SHC4: variants seen among roughly 807,000 people sequenced by gnomAD.
SHC4 encodes SHC-transforming protein 4.
SHC4 carries 41 observed loss-of-function variants against 69.4 expected under a neutral mutation model. The observed-to-expected ratio is 0.59, with a 90% confidence interval of 0.46 to 0.77. SHC4 has a LOEUF of 0.77. Among genes scored for constraint, SHC4 ranks in the 30% least tolerant of loss-of-function variants. SHC4 has a pLI of 0.00. For missense variants in SHC4, 777 were observed against 783.8 expected (o/e 0.99, Z 0.10); for synonymous variants, 318 against 299.3 (o/e 1.06, Z -0.64).
In SHC4 at chr15:48,846,912, G is replaced by A. The variant is rs115649876; in HGVS notation, c.1304-3324C>T. On this transcript the variant is annotated intron_variant, in intron 9 of 11. Transcript: ENST00000332408. ...CCACATCAATTTTACCATCCCGTAG[G>A]ATGACACCAAAAACATCGGTGTTTA... 2.5e-3 allele frequency among the ~76,000 whole-genome samples: 373 copies of A among 151,802 alleles called. 1 individual carries two copies. Among genetic ancestry groups the A allele is most frequent in the African/African-American group, 8.7e-3 (359 of 41,402 alleles).
chr15:48,857,830 A>G lies in SHC4; in HGVS notation c.947-15T>C. ...TATGTGACAGGCTGCAAGAGGACAT[A>G]CAAAAAATAATATTATAATAAATTT... On this transcript the variant is annotated splice_polypyrimidine_tract_variant and intron_variant, in intron 6 of 11. Coordinates refer to ENST00000332408, the MANE Select transcript of SHC4 (RefSeq NM_203349.4). 6.7e-7 allele frequency: 1 copy of G among 1,493,428 alleles called. No individual in the cohort carries two copies. Among genetic ancestry groups the G allele is most frequent in the Non-Finnish European group, 8.9e-7 (1 of 1,122,176 alleles). 92.5% of individuals were successfully genotyped at this position (1,493,428 alleles called of 1,614,324 possible).
intron 1 of SHC4, among the ~76,000 whole-genome samples, chr15:48,948,356 G>A (rs1237449423): frequency 6.6e-6 from 1 of 152,258 alleles, no homozygotes; most frequent in Non-Finnish European, 1.5e-5. Flanking sequence ...AACGCATTGT[G>A]AGACATACCA....
intron 9 of SHC4, among the ~76,000 whole-genome samples, chr15:48,844,958 T>G (rs1899059483): frequency 6.6e-6 from 1 of 152,208 alleles, no homozygotes; most frequent in South Asian, 2.1e-4. Context: ...ATTAGCAGCA[T>G]GAGAACATAT....
At chr15:48,881,188 G>T (rs547909735) in intron 4 of SHC4, among the ~76,000 whole-genome samples, 1 of 152,158 alleles carries the variant, frequency 6.6e-6, no homozygotes, top group East Asian at 1.9e-4. Context: ...CATGTTGACT[G>T]TCTTCAGGCC....
intron 1 of SHC4, among the ~76,000 whole-genome samples, chr15:48,960,628 G>A (rs1447943932): frequency 2.0e-5 from 3 of 152,050 alleles, no homozygotes; most frequent in Admixed American, 2.0e-4. Context: ...GATCCTAATT[G>A]TCTGTTTGTA....
At chr15:48,945,045 T>G (rs1901250007) in intron 1 of SHC4, among the ~76,000 whole-genome samples, 1 of 152,216 alleles carries the variant, frequency 6.6e-6, no homozygotes, top group Non-Finnish European at 1.5e-5. Context: ...CAACCCAGTC[T>G]TTCATTCAGA....
At chr15:48,851,369 G>T in intron 8 of SHC4, 121 bp from the exon 9 acceptor site, 1 of 900,776 alleles carries the variant, frequency 1.1e-6, no homozygotes, top group African/African-American at 1.7e-5. Context: ...CACAGGAAAT[G>T]TTTGACAGGT....
At chr15:48,952,880 C>T (rs1286550699) in intron 1 of SHC4, among the ~76,000 whole-genome samples, 1 of 152,154 alleles carries the variant, frequency 6.6e-6, no homozygotes, top group African/African-American at 2.4e-5. Flanking sequence ...GATCTAAAGA[C>T]AGAAATACCA....
chr15:48,902,721 G>C (rs1310613488), intron 2 of SHC4, among the ~76,000 whole-genome samples: 1 of 152,064 alleles, frequency 6.6e-6, no homozygotes, highest in East Asian at 1.9e-4. Context: ...CCTCAATATG[G>C]GGTGACTCTG....
intron 4 of SHC4, among the ~76,000 whole-genome samples, chr15:48,880,359 C>G (rs1022499279): frequency 2.0e-5 from 3 of 152,166 alleles, no homozygotes; most frequent in African/African-American, 7.2e-5. Flanking sequence ...CCACTGCTTT[C>G]TCAATTAGCG....
At chr15:48,926,168 A>G (rs1405375821) in intron 1 of SHC4, among the ~76,000 whole-genome samples, 4 of 152,180 alleles carry the variant, frequency 2.6e-5, no homozygotes, top group Admixed American at 2.6e-4. Context: ...TGGACTTAGT[A>G]GTCTTCTGTG....
chr15:48,962,144 G>A (rs1209362227), intron 1 of SHC4, among the ~76,000 whole-genome samples: 1 of 152,132 alleles, frequency 6.6e-6, no homozygotes, highest in Non-Finnish European at 1.5e-5. Context: ...GGTGCCATCA[G>A]CTGCCTCTAT....
intron 11 of SHC4, among the ~76,000 whole-genome samples, chr15:48,827,643 T>A (rs887006189): frequency 6.6e-6 from 1 of 152,176 alleles, no homozygotes; most frequent in Non-Finnish European, 1.5e-5. Context: ...CAATCCTGTA[T>A]ACAAGTGTGA....
At chr15:48,880,721 G>C in intron 4 of SHC4, among the ~76,000 whole-genome samples, 1 of 152,100 alleles carries the variant, frequency 6.6e-6, no homozygotes, top group East Asian at 1.9e-4. Flanking sequence ...TAAGCTGAGA[G>C]ACAATGAAAA....
At chr15:48,828,039 G>A (rs1898721177) in intron 11 of SHC4, among the ~76,000 whole-genome samples, 1 of 151,770 alleles carries the variant, frequency 6.6e-6, no homozygotes. Context: ...ACCCACACAA[G>A]ATTTTTCACT....
chr15:48,864,726 C>T (rs1490821783), intron 6 of SHC4, among the ~76,000 whole-genome samples: 2 of 152,104 alleles, frequency 1.3e-5, no homozygotes, highest in African/African-American at 2.4e-5. Flanking sequence ...GGATTACAGG[C>T]GTGAGCCACC....
chr15:48,859,707 T>C (rs1167230182), intron 6 of SHC4, among the ~76,000 whole-genome samples: 2 of 152,200 alleles, frequency 1.3e-5, no homozygotes, highest in Non-Finnish European at 2.9e-5. Flanking sequence ...GAAGTGAGAA[T>C]TGCAGTGAGT....
chr15:48,875,256 T>C (rs895920682), intron 4 of SHC4, among the ~76,000 whole-genome samples: 2 of 152,222 alleles, frequency 1.3e-5, no homozygotes, highest in African/African-American at 4.8e-5. Flanking sequence ...ACACCCTGCA[T>C]TAATACTAAG....
rs1178138258 is a variant in SHC4, at chr15:48,944,129, G to A, written c.585+18302C>T. ...AATCTAAGCCTACAAACTTTCAAGT[G>A]GTAAAGGGATGGGCTCTTGCAAAGC... On this transcript the variant is annotated intron_variant, in intron 1 of 11. Coordinates refer to ENST00000332408, the MANE Select transcript of SHC4 (RefSeq NM_203349.4). Among the ~76,000 whole-genome samples, 9 of 152,276 alleles carry A rather than the reference G, an allele frequency of 5.9e-5. No homozygotes were observed. In the South Asian group the frequency reaches 1.5e-3, roughly 25 times the overall value.
Sources: gnomAD v4.1 joint callset for allele counts (sites outside exome capture counted in the v4.1 genomes callset) on GRCh38, gnomAD v4.1.1 for gene constraint, MANE v1.5 for transcripts, NCBI Gene and HGNC (gene_info 2026-07-23, HGNC 2026-07-21) for gene names.